WDR49: variants seen among roughly 807,000 people sequenced by gnomAD.
WDR49 encodes cilia- and flagella-associated protein 337.
Under a neutral mutation model 119.5 loss-of-function variants are expected in WDR49, and 107 were observed. The ratio of observed to expected loss-of-function variants is 0.90; its 90% CI spans 0.77 to 1.05. The LOEUF is 1.05. Ranked by LOEUF, WDR49 falls within the 50% of genes least tolerant of loss-of-function variation. The pLI is 0.00. For synonymous variants in WDR49, 425 were observed against 418.8 expected (o/e 1.01, Z -0.18); for missense variants, 1,240 against 1,220.5 (o/e 1.02, Z -0.24).
At chr3:167,605,487 GA>G (rs897400394) in intron 5 of WDR49, among the ~76,000 whole-genome samples, 4 of 151,518 alleles carry the variant, frequency 2.6e-5, no homozygotes, top group East Asian at 1.9e-4. Context: ...AAGATAATAA[GA>G]AAAAAAACAG....
intron 2 of WDR49, among the ~76,000 whole-genome samples, chr3:167,652,007 CT>C (rs1022246316): frequency 6.6e-6 from 1 of 152,136 alleles, no homozygotes; most frequent in African/African-American, 2.4e-5. Flanking sequence ...TCATAATCTG[CT>C]GTTATGTTTT....
At chr3:167,633,260 T>A (rs955587774) in intron 2 of WDR49, 22 of 348,734 alleles carry the variant, frequency 6.3e-5, no homozygotes, top group African/African-American at 4.1e-4. Context: ...TGGTCTGAAA[T>A]CCTCTGCTTC....
intron 18 of WDR49, among the ~76,000 whole-genome samples, chr3:167,494,885 A>G (rs1164002815): frequency 6.6e-6 from 1 of 152,140 alleles, no homozygotes; most frequent in Admixed American, 6.6e-5. Context: ...ATACCCCACT[A>G]AAAGGAGAAG....
chr3:167,523,113 G>A (rs548839687), intron 15 of WDR49, among the ~76,000 whole-genome samples: 1 of 152,198 alleles, frequency 6.6e-6, no homozygotes, highest in South Asian at 2.1e-4. Flanking sequence ...GAGATATGAG[G>A]GGAACCGTAG....
intron 18 of WDR49, among the ~76,000 whole-genome samples, chr3:167,495,883 GAAAAAAAA>G: frequency 1.5e-4 from 11 of 71,218 alleles, no homozygotes; most frequent in South Asian, 7.8e-4. Flanking sequence ...TTAAAAATTT[GAAAAAAAA>G]AAAAAAAAAA....
chr3:167,554,929 T>A, intron 9 of WDR49, 131 bp from the exon 10 acceptor site: 1 of 636,192 alleles, frequency 1.6e-6, no homozygotes, highest in African/African-American at 1.9e-5. Context: ...GCCACTATAT[T>A]ACTCTTGTAA....
chr3:167,554,622 A>G lies in WDR49; in HGVS notation c.1823+28T>C, dbSNP rs763477226. 2.5e-5 allele frequency: 34 copies of G among 1,375,546 alleles called. No individual in the cohort carries two copies. The Admixed American group carries it at 6.0e-4, about 24-fold the overall frequency. The allele number at this position is 1,375,546 out of a possible 1,614,324, so 85.2% of individuals were successfully genotyped here. A position where few individuals can be genotyped will look rare whatever the true frequency, so the allele number is the denominator to read the frequency against. ...ATGTTCTTTTTTCTTTTAGATTTTGATTAAAATAAAAACATTCTCCTTTTT... is the reference window on the plus strand; with the variant it reads ...ATGTTCTTTTTTCTTTTAGATTTTGGTTAAAATAAAAACATTCTCCTTTTT... On this transcript the variant is annotated intron_variant, in intron 10 of 18. Coordinates refer to ENST00000682715, the MANE Select transcript of WDR49 (RefSeq NM_001366157.1).
At chr3:167,584,362 G>T (rs1714702765) in intron 7 of WDR49, among the ~76,000 whole-genome samples, 1 of 152,078 alleles carries the variant, frequency 6.6e-6, no homozygotes, top group African/African-American at 2.4e-5. Context: ...ATATCTTAAA[G>T]ATGTCAAACA....
In WDR49 at chr3:167,625,824, C is replaced by T. The variant is rs116397698; in HGVS notation, c.606+1028G>A. On this transcript the variant is annotated intron_variant, in intron 3 of 18. Transcript: ENST00000682715. The stretch of plus-strand genomic sequence containing the variant: ...GAATGGCTGGACATATTAAACAACA[C>T]CATGTAGACACAATCTGTAAAATCC... Among the ~76,000 whole-genome samples, 614 of 151,738 alleles carry T rather than the reference C, an allele frequency of 4.0e-3. 2 individuals are homozygous for T. Among genetic ancestry groups the T allele is most frequent in the African/African-American group, 0.014 (590 of 41,390 alleles).
intron 18 of WDR49, among the ~76,000 whole-genome samples, chr3:167,493,145 C>T (rs1301872381): frequency 2.0e-5 from 3 of 152,160 alleles, no homozygotes; most frequent in South Asian, 2.1e-4. Flanking sequence ...TCCCAAGAAT[C>T]CTGCCCTGCA....
At chr3:167,603,652 T>C (rs1190035574) in intron 6 of WDR49, among the ~76,000 whole-genome samples, 1 of 152,180 alleles carries the variant, frequency 6.6e-6, no homozygotes. Context: ...TTTTATAATG[T>C]TTGAACAAAT....
At chr3:167,567,819 G>C (rs907715204) in intron 8 of WDR49, among the ~76,000 whole-genome samples, 3 of 152,154 alleles carry the variant, frequency 2.0e-5, no homozygotes, top group Non-Finnish European at 4.4e-5. Context: ...TTAAAAAGCA[G>C]TCTCTTACTG....
At position 167,521,384 on chromosome 3, in the gene WDR49, G is replaced by A. The variant is rs1752428442; in HGVS notation, c.2774+931C>T. On this transcript the variant is annotated intron_variant, in intron 16 of 18. Coordinates refer to ENST00000682715, the MANE Select transcript of WDR49 (RefSeq NM_001366157.1). ...AGAGAATGCTTTGCACATCTGCCAA[G>A]CCTCAAGAACAGCAATGCTACCTTT... Among the ~76,000 whole-genome samples, 3 of 152,266 alleles carry A rather than the reference G, an allele frequency of 2.0e-5. No homozygotes were observed. The South Asian group carries it at 6.2e-4, about 31-fold the overall frequency.
intron 5 of WDR49, among the ~76,000 whole-genome samples, chr3:167,614,912 T>C (rs1279198345): frequency 6.6e-6 from 1 of 152,216 alleles, no homozygotes; most frequent in Non-Finnish European, 1.5e-5. Flanking sequence ...AGTCATTGGT[T>C]GCTTGCTCCT....
At chr3:167,539,717 C>A (rs937764415) in intron 10 of WDR49, among the ~76,000 whole-genome samples, 1 of 152,120 alleles carries the variant, frequency 6.6e-6, no homozygotes, top group Non-Finnish European at 1.5e-5. Context: ...CTCAGGCAAG[C>A]CTTCCCTGAC....
At chr3:167,605,692 G>A (rs528797039) in intron 5 of WDR49, among the ~76,000 whole-genome samples, 1 of 152,280 alleles carries the variant, frequency 6.6e-6, no homozygotes, top group South Asian at 2.1e-4. Flanking sequence ...TTGACAAAAA[G>A]CATTTCAATA....
intron 7 of WDR49, among the ~76,000 whole-genome samples, chr3:167,593,430 C>A (rs1715240806): frequency 6.6e-6 from 1 of 151,788 alleles, no homozygotes; most frequent in African/African-American, 2.4e-5. Flanking sequence ...CATTTTTCAA[C>A]TTTAGAATTT....
intron 11 of WDR49, among the ~76,000 whole-genome samples, chr3:167,534,417 C>T (rs1041661225): frequency 2.6e-5 from 4 of 152,136 alleles, no homozygotes; most frequent in African/African-American, 9.7e-5. Context: ...AACAACCACA[C>T]CATTTTACAC....
intron 2 of WDR49, among the ~76,000 whole-genome samples, chr3:167,651,507 A>AAG (rs1325119658): frequency 6.6e-6 from 1 of 152,126 alleles, no homozygotes; most frequent in Non-Finnish European, 1.5e-5. Flanking sequence ...TGTTGGCTCA[A>AAG]AGGTCTAACT....
Sources: allele counts gnomAD v4.1 joint callset (sites outside exome capture counted in the v4.1 genomes callset), GRCh38; gene constraint gnomAD v4.1.1; transcripts MANE v1.5; gene names NCBI Gene and HGNC (gene_info 2026-07-23, HGNC 2026-07-21).